The following LRRK1 variants were observed in gnomAD, a reference collection of about 807,000 sequenced individuals.
LRRK1 encodes leucine rich repeat kinase 1.
LRRK1 carries 113 observed loss-of-function variants against 209.1 expected under a neutral mutation model. The ratio of observed to expected loss-of-function variants is 0.54; its 90% CI spans 0.46 to 0.63. LRRK1 has a LOEUF of 0.63. Among genes scored for constraint, LRRK1 ranks in the 30% least tolerant of loss-of-function variants. The pLI is 0.00. For synonymous variants in LRRK1, 1,144 were observed against 1,099.7 expected (o/e 1.04, Z -0.80); for missense variants, 2,284 against 2,632.2 (o/e 0.87, Z 2.89).
intron 5 of LRRK1, 101 bp downstream of exon 5, chr15:100,988,914 A>G: frequency 1.0e-6 from 1 of 965,444 alleles, no homozygotes; most frequent in Non-Finnish European, 1.5e-6. Flanking sequence ...CTCTCAAATC[A>G]CCTCTGTGAG....
At chr15:101,056,239 C>A (rs1313234527) in intron 27 of LRRK1, among the ~76,000 whole-genome samples, 1 of 152,192 alleles carries the variant, frequency 6.6e-6, no homozygotes, top group South Asian at 2.1e-4. Context: ...ATGTTGTGAT[C>A]CAGGAGACGC....
At position 101,027,830 on chromosome 15, in the gene LRRK1, C is replaced by T. The variant is rs1030845011; in HGVS notation, c.2686+33C>T. The T allele has an allele frequency of 7.2e-6, 11 of 1,531,592 alleles. No homozygotes were observed. The highest frequency in any genetic ancestry group is 4.8e-5 in the East Asian group (2 of 41,296). The allele number at this position is 1,531,592 out of a possible 1,614,324, so 94.9% of individuals were successfully genotyped here. ...GGGCTGGGGTAGGTGGCAGGGTGCC[C>T]GTGAGAAATGGAACTGTCTGTACTT... On this transcript the variant is annotated intron_variant, in intron 19 of 33. Coordinates refer to ENST00000388948, the MANE Select transcript of LRRK1 (RefSeq NM_024652.6). The surrounding 1 kb of genome is among the most constrained non-coding windows in gnomAD (Gnocchi z 5.1).
At chr15:101,053,187 A>C in intron 25 of LRRK1, 36 bp from the exon 26 acceptor site, 1 of 1,596,628 alleles carries the variant, frequency 6.3e-7, no homozygotes, top group Non-Finnish European at 8.5e-7. Flanking sequence ...CAGGCACCCC[A>C]TGTCCTACTG....
intron 6 of LRRK1, among the ~76,000 whole-genome samples, chr15:100,996,419 G>C (rs1050726700): frequency 6.6e-6 from 1 of 152,242 alleles, no homozygotes; most frequent in Non-Finnish European, 1.5e-5. Flanking sequence ...TCGCTCGTGT[G>C]AACAGAAGAG....
In LRRK1 at chr15:101,028,090, A is replaced by G. The variant is rs553197910; in HGVS notation, c.2686+293A>G. Among the ~76,000 whole-genome samples, 3 of 147,944 alleles carry G rather than the reference A, an allele frequency of 2.0e-5. No individual in the cohort carries two copies. The East Asian group carries it at 5.9e-4, about 29-fold the overall frequency. On this transcript the variant is annotated intron_variant, in intron 19 of 33. Transcript: ENST00000388948. ...TCAGTCAGGGAGACAGAGGTCAAAC[A>G]GTTACAATCGATTCTCATTAGCCAC...
chr15:100,942,887 G>A lies in LRRK1; in HGVS notation c.97+18158G>A, dbSNP rs540876425. On this transcript the variant is annotated intron_variant, in intron 2 of 33. Transcript: ENST00000388948. ...GGGCGGGTGGGGTGTGCACTCACCC[G>A]GAGACGGCCTCCATGTCCATGCTGA... Among the ~76,000 whole-genome samples, 232 of 152,220 alleles carry A rather than the reference G, an allele frequency of 1.5e-3. 1 individual carries two copies. Among genetic ancestry groups the A allele is most frequent in the African/African-American group, 4.4e-3 (184 of 41,548 alleles).
intron 29 of LRRK1, among the ~76,000 whole-genome samples, chr15:101,060,106 G>A (rs2036071379): frequency 1.3e-5 from 2 of 152,164 alleles, no homozygotes; most frequent in Admixed American, 6.5e-5. Context: ...CCTGAAGAGA[G>A]ACTCACTCAC....
Position 101,077,233 on chromosome 15 carries a change from C to T in LRRK1, c.*8385C>T, listed in dbSNP as rs2141181561. Reference sequence around the variant, plus strand: ...CTTTTTATTAGGCCCCAGTCTCATTCCAGACACCAGACCAACTTGGACTGT... The same window carrying T: ...CTTTTTATTAGGCCCCAGTCTCATTTCAGACACCAGACCAACTTGGACTGT... On this transcript the variant is annotated 3_prime_UTR_variant, in exon 34 of 34. Coordinates refer to ENST00000388948, the MANE Select transcript of LRRK1 (RefSeq NM_024652.6). 6.6e-6 allele frequency: 1 copy of T among 152,366 alleles called. No homozygotes were observed. The highest frequency in any genetic ancestry group is 1.9e-4 in the East Asian group (1 of 5,190). The allele number at this position is 152,366 out of a possible 1,614,324, so 9.4% of individuals were successfully genotyped here.
chr15:101,049,933 T>G, intron 23 of LRRK1, 150 bp downstream of exon 23: 1 of 823,830 alleles, frequency 1.2e-6, no homozygotes, highest in South Asian at 2.0e-5. Context: ...GTGGGAGTCC[T>G]GGCCCCCGAG....
chr15:101,035,364 T>C (rs2034456689), intron 20 of LRRK1, among the ~76,000 whole-genome samples: 1 of 152,130 alleles, frequency 6.6e-6, no homozygotes, highest in Non-Finnish European at 1.5e-5. Context: ...TATATATTGA[T>C]ATTGTTATAT....
chr15:100,946,019 A>G (rs2042534149), intron 2 of LRRK1, among the ~76,000 whole-genome samples: 1 of 152,224 alleles, frequency 6.6e-6, no homozygotes, highest in Admixed American at 6.5e-5. Flanking sequence ...AATATGTTAA[A>G]TATAAAATAC....
Position 101,051,115 on chromosome 15 carries a change from A to C in LRRK1, c.3440-596A>C, listed in dbSNP as rs185878525. Among the ~76,000 whole-genome samples, 11 of 152,300 alleles carry C rather than the reference A, an allele frequency of 7.2e-5. No homozygotes were observed. The East Asian group carries it at 1.9e-3, about 27-fold the overall frequency. On this transcript the variant is annotated intron_variant, in intron 23 of 33. Transcript: ENST00000388948. ...ATATCAGATGTGCCTGGAAAGTTCT[A>C]GGCATCCACCTCCTACCTTGCATGA... is the stretch of plus-strand genomic sequence containing the variant.
Position 101,012,058 on chromosome 15 carries a change from G to C in LRRK1, c.1332G>C (p.Met444Ile). The C allele has an allele frequency of 6.2e-7, 1 of 1,611,734 alleles. No individual in the cohort carries two copies. Among genetic ancestry groups the C allele is most frequent in the South Asian group, 1.1e-5 (1 of 90,602 alleles). The stretch of plus-strand genomic sequence containing the variant: ...CCCTGGAATGTCTGCCAGACAAAAT[G>C]GCTGTCTTTTGGAAAAATCACCTGA... ...RNALECLPDK[M>I]AVFWKNHLKD... The change falls in exon 10 of 34, where the codon ATG becomes ATC. Residue 444 changes from methionine (M) to isoleucine (I), a missense_variant. Coordinates refer to ENST00000388948, the MANE Select transcript of LRRK1 (RefSeq NM_024652.6).
intron 2 of LRRK1, among the ~76,000 whole-genome samples, chr15:100,935,878 C>T (rs1025910089): frequency 2.0e-5 from 3 of 152,216 alleles, no homozygotes; most frequent in Non-Finnish European, 4.4e-5. Context: ...CTCTCTCTTC[C>T]ACACACCTTC....
chr15:101,049,602 G>A (rs1472755843), intron 22 of LRRK1, 42 bp from the exon 23 acceptor site: 5 of 1,602,550 alleles, frequency 3.1e-6, no homozygotes, highest in Middle Eastern at 1.7e-4. Context: ...GGGTCCCCCA[G>A]AGCCAGATCG....
chr15:101,019,173 T>G (rs1036741841), intron 12 of LRRK1, among the ~76,000 whole-genome samples: 5 of 152,206 alleles, frequency 3.3e-5, no homozygotes, highest in Non-Finnish European at 5.9e-5. Flanking sequence ...TGCCTCTGTT[T>G]GCAATCATAG....
At chr15:100,986,977 C>T (rs1304100519) in intron 4 of LRRK1, among the ~76,000 whole-genome samples, 1 of 152,338 alleles carries the variant, frequency 6.6e-6, no homozygotes, top group African/African-American at 2.4e-5. Flanking sequence ...ATAATGCCTG[C>T]CTCCAAAGAC....
chr15:100,941,448 GTGTGTGTCTA>G (rs202083246), intron 2 of LRRK1, among the ~76,000 whole-genome samples: 7 of 18,138 alleles, frequency 3.9e-4, no homozygotes, highest in African/African-American at 8.0e-4. Context: ...GTGTGTGTCT[GTGTGTGTCTA>G]TGTCTCTGTG....
intron 30 of LRRK1, among the ~76,000 whole-genome samples, chr15:101,061,812 C>T (rs1351987290): frequency 6.6e-6 from 1 of 152,174 alleles, no homozygotes; most frequent in Non-Finnish European, 1.5e-5. Context: ...AGATTGAGAC[C>T]ATCCTGGCCA....
Sources: allele counts gnomAD v4.1 joint callset (sites outside exome capture counted in the v4.1 genomes callset), GRCh38; gene constraint gnomAD v4.1.1; non-coding constraint Gnocchi (gnomAD v3.1); transcripts MANE v1.5; gene names NCBI Gene and HGNC (gene_info 2026-07-23, HGNC 2026-07-21).